SORCS2: variants seen among roughly 807,000 people sequenced by gnomAD.
SORCS2 encodes the protein sortilin related VPS10 domain containing receptor 2, also known as VPS10 domain-containing receptor SorCS2.
SORCS2 carries 100 observed loss-of-function variants against 141.6 expected under a neutral mutation model. The ratio of observed to expected loss-of-function variants is 0.71; its 90% CI spans 0.60 to 0.83. SORCS2 has a LOEUF of 0.83. Ranked by LOEUF, SORCS2 falls within the 40% of genes least tolerant of loss-of-function variation. The pLI is 0.00. For missense variants in SORCS2, 1,646 were observed against 1,560.2 expected, an observed-to-expected ratio of 1.05 and a Z score of -0.93; for synonymous variants, 789 against 676.9, an observed-to-expected ratio of 1.17 and a Z score of -2.57.
At chr4:7,732,592 G>T (rs1444223339) in intron 23 of SORCS2, among the ~76,000 whole-genome samples, 1 of 152,068 alleles carries the variant, frequency 6.6e-6, no homozygotes, top group Non-Finnish European at 1.5e-5. Context: ...CCTCCCTCAG[G>T]TAGGGGGTCT....
At chr4:7,339,960 T>C (rs539673901) in intron 1 of SORCS2, among the ~76,000 whole-genome samples, 40 of 152,292 alleles carry the variant, frequency 2.6e-4, no homozygotes, top group Admixed American at 1.5e-3. Context: ...TGCCACACTT[T>C]ACAGACTAGG....
chr4:7,360,664 G>T (rs556214925), intron 1 of SORCS2, among the ~76,000 whole-genome samples: 1 of 130,606 alleles, frequency 7.7e-6, no homozygotes, highest in East Asian at 2.4e-4. Context: ...CTGTTGCTTC[G>T]ACCTCCCAGG....
At chr4:7,671,257 C>G (rs980089227) in intron 8 of SORCS2, among the ~76,000 whole-genome samples, 2 of 152,070 alleles carry the variant, frequency 1.3e-5, no homozygotes, top group African/African-American at 4.8e-5. Context: ...TCCAATCTAA[C>G]TGGACATTAG....
intron 1 of SORCS2, among the ~76,000 whole-genome samples, chr4:7,378,612 G>C (rs575634763): frequency 1.3e-5 from 2 of 152,100 alleles, no homozygotes; most frequent in Non-Finnish European, 1.5e-5. Flanking sequence ...ACCTGGTCCC[G>C]CCCTTGACAC....
intron 2 of SORCS2, among the ~76,000 whole-genome samples, chr4:7,502,628 CGTCT>C (rs1732039325): frequency 6.6e-6 from 1 of 152,196 alleles, no homozygotes. Flanking sequence ...TCCCACTTCC[CGTCT>C]GTCTGGGACA....
intron 18 of SORCS2, 57 bp downstream of exon 18, chr4:7,718,240 T>C: frequency 1.0e-5 from 16 of 1,569,382 alleles, no homozygotes; most frequent in Admixed American, 1.8e-5. Context: ...CGGCTCCAAC[T>C]GGGCACGCAG....
chr4:7,403,501 GT>G (rs373709541), intron 2 of SORCS2, among the ~76,000 whole-genome samples: 58 of 152,276 alleles, frequency 3.8e-4, no homozygotes, highest in African/African-American at 1.4e-3. Context: ...GGTTGGTGGG[GT>G]GGAGGGAAGG....
intron 3 of SORCS2, among the ~76,000 whole-genome samples, chr4:7,574,399 T>TCTA (rs1339728061): frequency 2.0e-5 from 3 of 152,242 alleles, no homozygotes; most frequent in Non-Finnish European, 4.4e-5. Flanking sequence ...AGGGAGTTGT[T>TCTA]TACAGCCATG....
At chr4:7,679,279 G>A (rs1423428146) in intron 9 of SORCS2, among the ~76,000 whole-genome samples, 2 of 152,294 alleles carry the variant, frequency 1.3e-5, no homozygotes, top group Non-Finnish European at 2.9e-5. Context: ...TATGAATGGG[G>A]ACTTAGGGGA....
intron 1 of SORCS2, among the ~76,000 whole-genome samples, chr4:7,276,228 C>T (rs115584327): frequency 6.6e-6 from 1 of 152,156 alleles, no homozygotes; most frequent in Non-Finnish European, 1.5e-5. Flanking sequence ...GTGTGTGGAT[C>T]ATCCTCAGGG....
In SORCS2 at chr4:7,412,258, T is replaced by C. The variant is rs533676678; in HGVS notation, c.548+15903T>C. Among the ~76,000 whole-genome samples the C allele has an allele frequency of 2.0e-5, 3 of 152,314 alleles. No homozygotes were observed. In the South Asian group the frequency reaches 6.2e-4, roughly 32 times the overall value. ...CTGCATCCTGCTCACTCGGCCTTGC[T>C]CCTGCAGGCCGATGGCCACCCCCTG... is the stretch of plus-strand genomic sequence containing the variant. On this transcript the variant is annotated intron_variant, in intron 2 of 26. Transcript: ENST00000507866.
chr4:7,726,093 G>A (rs1018673263), intron 20 of SORCS2, among the ~76,000 whole-genome samples: 2 of 152,232 alleles, frequency 1.3e-5, no homozygotes, highest in East Asian at 1.9e-4. Flanking sequence ...GCGCCCACCC[G>A]GCTGAGTGTG....
chr4:7,359,266 A>C (rs1326430799), intron 1 of SORCS2, among the ~76,000 whole-genome samples: 1 of 152,068 alleles, frequency 6.6e-6, no homozygotes, highest in Non-Finnish European at 1.5e-5. Flanking sequence ...ACTGCATTCC[A>C]GCCTGGGCAA....
At chr4:7,722,532 T>C (rs1726661558) in intron 18 of SORCS2, among the ~76,000 whole-genome samples, 1 of 152,236 alleles carries the variant, frequency 6.6e-6, no homozygotes, top group South Asian at 2.1e-4. Flanking sequence ...CCGGCACTCC[T>C]TGGCCCCTGA....
intron 3 of SORCS2, among the ~76,000 whole-genome samples, chr4:7,631,101 T>TCA (rs1473168538): frequency 1.3e-5 from 2 of 149,836 alleles, no homozygotes; most frequent in African/African-American, 4.9e-5. Flanking sequence ...TATGATGAGC[T>TCA]TAGCTGCCAG....
At chr4:7,400,513 G>A (rs939913164) in intron 2 of SORCS2, among the ~76,000 whole-genome samples, 1 of 152,132 alleles carries the variant, frequency 6.6e-6, no homozygotes, top group Admixed American at 6.5e-5. Context: ...GGTTGAGGAT[G>A]CGAGGATGGA....
intron 2 of SORCS2, among the ~76,000 whole-genome samples, chr4:7,506,307 A>T (rs965409416): frequency 6.6e-6 from 1 of 152,116 alleles, no homozygotes; most frequent in African/African-American, 2.4e-5. Context: ...TGCTTGTGGT[A>T]AATATTTGGC....
chr4:7,710,999 G>A (rs997232138), intron 14 of SORCS2, among the ~76,000 whole-genome samples: 13 of 152,226 alleles, frequency 8.5e-5, no homozygotes, highest in African/African-American at 2.7e-4. Context: ...TGGCAGCGAC[G>A]TGGCAGGAAT....
intron 1 of SORCS2, among the ~76,000 whole-genome samples, chr4:7,350,880 G>A (rs1034180008): frequency 2.8e-4 from 42 of 152,256 alleles, no homozygotes; most frequent in African/African-American, 9.6e-4. Context: ...TCCACTCTTC[G>A]TGGCTGCTTG....
Sources: allele counts gnomAD v4.1 joint callset (sites outside exome capture counted in the v4.1 genomes callset), GRCh38; gene constraint gnomAD v4.1.1; transcripts MANE v1.5; gene names NCBI Gene and HGNC (gene_info 2026-07-23, HGNC 2026-07-21).